The following SLIT3 variants were observed in gnomAD, a reference collection of about 807,000 sequenced individuals.
SLIT3 encodes the protein slit guidance ligand 3.
Under a neutral mutation model 184.0 loss-of-function variants are expected in SLIT3, and 68 were observed. The observed-to-expected ratio is 0.37, with a 90% CI of 0.30 to 0.45. SLIT3 has a LOEUF of 0.45. Ranked by LOEUF, SLIT3 falls within the 20% of genes least tolerant of loss-of-function variation. The pLI, the probability that SLIT3 is intolerant of heterozygous loss-of-function variation, is 1.00. For missense variants in SLIT3, 1,707 were observed against 2,026.0 expected (o/e 0.84, Z 3.02); for synonymous variants, 831 against 828.6 (o/e 1.00, Z -0.05).
intron 20 of SLIT3, among the ~76,000 whole-genome samples, chr5:168,739,435 T>G (rs888987663): frequency 3.3e-5 from 5 of 151,678 alleles, no homozygotes; most frequent in Admixed American, 1.3e-4. Flanking sequence ...TCTTTTTTTT[T>G]TTTTTGAGAT....
At position 168,687,110 on chromosome 5, in the gene SLIT3, C is replaced by T. The variant is rs749060522; in HGVS notation, c.3183G>A (p.Glu1061=). 3 of 1,613,796 alleles carry T rather than the reference C, an allele frequency of 1.9e-6. No individual in the cohort carries two copies. Among genetic ancestry groups the T allele is most frequent in the African/African-American group, 2.7e-5 (2 of 74,960 alleles). Residue 1061 remains glutamate (E), a synonymous_variant, in exon 30 of 36, where the codon GAG becomes GAA. Transcript: ENST00000519560. The stretch of plus-strand genomic sequence containing the variant: ...GCTTCCCGCTGTAGCCAGGGACACA[C>T]TCGCAGCTGGAACATAGGCAGAGGC... ...CIPLDKGFSC[E]CVPGYSGKLC...
chr5:169,169,718 G>A (rs1470800320), intron 4 of SLIT3, among the ~76,000 whole-genome samples: 3 of 152,216 alleles, frequency 2.0e-5, no homozygotes, highest in African/African-American at 7.2e-5. Flanking sequence ...ACTAAGACTT[G>A]GAGACAAGAG....
At chr5:168,968,042 GGA>G (rs1194190607) in intron 4 of SLIT3, among the ~76,000 whole-genome samples, 1 of 152,176 alleles carries the variant, frequency 6.6e-6, no homozygotes, top group African/African-American at 2.4e-5. Flanking sequence ...GCCTTGGAAA[GGA>G]GAGTGGGTTT....
At chr5:168,949,677 G>A (rs575226951) in intron 4 of SLIT3, among the ~76,000 whole-genome samples, 24 of 152,254 alleles carry the variant, frequency 1.6e-4, no homozygotes, top group Admixed American at 1.4e-3. Context: ...ACGGCTCACT[G>A]CAGCCTCAAC....
intron 1 of SLIT3, among the ~76,000 whole-genome samples, chr5:169,286,263 A>G (rs1005488813): frequency 6.6e-6 from 1 of 152,180 alleles, no homozygotes; most frequent in African/African-American, 2.4e-5. Flanking sequence ...AAAACCTACA[A>G]AGCCCCAAGC....
intron 12 of SLIT3, among the ~76,000 whole-genome samples, chr5:168,784,899 A>G (rs914798226): frequency 1.1e-4 from 17 of 151,046 alleles, no homozygotes; most frequent in Admixed American, 7.2e-4. Flanking sequence ...GCACACACAC[A>G]CCTGCACACC....
intron 4 of SLIT3, among the ~76,000 whole-genome samples, chr5:169,067,400 C>T (rs1758394080): frequency 6.6e-6 from 1 of 151,802 alleles, no homozygotes; most frequent in East Asian, 1.9e-4. Context: ...AGCGAGACTC[C>T]ACCTCAAAAA....
intron 20 of SLIT3, among the ~76,000 whole-genome samples, chr5:168,729,083 C>G (rs62377332): frequency 0.049 from 7,442 of 151,722 alleles, 196 homozygotes; most frequent in African/African-American, 0.075. Context: ...ATAATCCAGT[C>G]AGACAAAAAT....
At chr5:168,850,453 T>C (rs1014967641) in intron 5 of SLIT3, among the ~76,000 whole-genome samples, 2 of 152,232 alleles carry the variant, frequency 1.3e-5, no homozygotes, top group African/African-American at 4.8e-5. Flanking sequence ...ACATGTAATA[T>C]TGTGTCCATG....
In SLIT3 at chr5:169,102,573, A is replaced by T. The variant is rs376713604; in HGVS notation, c.413+90906T>A. Reference sequence around the variant, plus strand: ...TTTTAAAATTTGTATTATTTTTATTATCGTATTATTTTTCCCAAATACTTT... The same window carrying T: ...TTTTAAAATTTGTATTATTTTTATTTTCGTATTATTTTTCCCAAATACTTT... On this transcript the variant is annotated intron_variant, in intron 4 of 35. Transcript: ENST00000519560. Among the ~76,000 whole-genome samples, 5 of 152,276 alleles carry T rather than the reference A, an allele frequency of 3.3e-5. No individual in the cohort carries two copies. In the East Asian group the frequency reaches 9.6e-4, roughly 29 times the overall value.
At chr5:168,772,155 G>C (rs1039323112) in intron 14 of SLIT3, 1 of 152,430 alleles carries the variant, frequency 6.6e-6, no homozygotes, top group Non-Finnish European at 1.5e-5. Flanking sequence ...TTTCTAGAGA[G>C]ATCCTGGGCA....
intron 4 of SLIT3, chr5:169,024,263 G>A (rs974710477): frequency 1.3e-5 from 2 of 152,240 alleles, no homozygotes; most frequent in Non-Finnish European, 2.9e-5. Context: ...GGGATAAGAT[G>A]ACGTTCTTAT....
chr5:169,110,250 A>G (rs1345330186), intron 4 of SLIT3, among the ~76,000 whole-genome samples: 1 of 152,246 alleles, frequency 6.6e-6, no homozygotes, highest in East Asian at 1.9e-4. Context: ...CCAAAGCCAA[A>G]AATACTTATC....
chr5:168,685,667 C>T lies in SLIT3; in HGVS notation c.3555+20G>A, dbSNP rs1761719866. On this transcript the variant is annotated intron_variant, in intron 31 of 35. Coordinates refer to ENST00000519560, the MANE Select transcript of SLIT3 (RefSeq NM_003062.4). ...GGGCATGTTGAGGTCCTTCCAAGGGCAGGGCAGGGCGGGACACACCTGCAG... is the reference window on the plus strand; with the variant it reads ...GGGCATGTTGAGGTCCTTCCAAGGGTAGGGCAGGGCGGGACACACCTGCAG... The T allele has an allele frequency of 6.6e-7, 1 of 1,517,820 alleles. No homozygotes were observed. Among genetic ancestry groups the T allele is most frequent in the Admixed American group, 2.1e-5 (1 of 47,334 alleles). The allele number at this position is 1,517,820 out of a possible 1,614,324, so 94.0% of individuals were successfully genotyped here. A position where few individuals can be genotyped will look rare whatever the true frequency, so the allele number is the denominator to read the frequency against.
intron 3 of SLIT3, among the ~76,000 whole-genome samples, chr5:169,214,029 T>C (rs1413387229): frequency 6.6e-6 from 1 of 152,196 alleles, no homozygotes; most frequent in Non-Finnish European, 1.5e-5. Flanking sequence ...AGCTAAGCCA[T>C]GAGCATTGGG....
intron 1 of SLIT3, among the ~76,000 whole-genome samples, chr5:169,281,541 CCTTT>C (rs373710268): frequency 2.0e-3 from 309 of 152,276 alleles, no homozygotes; most frequent in African/African-American, 7.2e-3. Context: ...ATTTGCGGTT[CCTTT>C]CTTAAAACCA....
At chr5:168,889,011 ACT>A (rs759000499) in intron 4 of SLIT3, among the ~76,000 whole-genome samples, 3 of 152,032 alleles carry the variant, frequency 2.0e-5, no homozygotes, top group Admixed American at 6.6e-5. Context: ...ATAAAGCTGC[ACT>A]CTTTCTTCCT....
intron 8 of SLIT3, among the ~76,000 whole-genome samples, chr5:168,808,483 G>A (rs1757052926): frequency 1.3e-5 from 2 of 152,210 alleles, no homozygotes; most frequent in Non-Finnish European, 2.9e-5. Context: ...GTTTTGTTGT[G>A]AAGGCAAAGG....
chr5:168,930,100 A>G (rs1761941885), intron 4 of SLIT3, among the ~76,000 whole-genome samples: 1 of 152,200 alleles, frequency 6.6e-6, no homozygotes, highest in Non-Finnish European at 1.5e-5. Flanking sequence ...ATTCCTGGGG[A>G]GAAGTGACAG....
Sources: gnomAD v4.1 joint callset for allele counts (sites outside exome capture counted in the v4.1 genomes callset) on GRCh38, gnomAD v4.1.1 for gene constraint, MANE v1.5 for transcripts, NCBI Gene and HGNC (gene_info 2026-07-23, HGNC 2026-07-21) for gene names.